C1orf21: variants seen among roughly 807,000 people sequenced by gnomAD.
C1orf21 encodes the protein chromosome 1 open reading frame 21.
C1orf21 carries 3 observed loss-of-function variants against 18.7 expected under a neutral mutation model. The observed-to-expected ratio is 0.16, with a 90% confidence interval of 0.07 to 0.42. The LOEUF (loss-of-function observed/expected upper bound fraction) is 0.42, where lower values mean the gene tolerates loss of function less well. Ranked by LOEUF, C1orf21 falls within the 10% of genes least tolerant of loss-of-function variation. C1orf21 has a pLI of 0.99. For missense variants in C1orf21, 104 were observed against 143.6 expected, an observed-to-expected ratio of 0.72 and a Z score of 1.41; for synonymous variants, 41 against 46.4, an observed-to-expected ratio of 0.88 and a Z score of 0.47.
In C1orf21 at chr1:184,434,802, G is replaced by A. The variant is rs533325761; in HGVS notation, c.-124-42584G>A. ...CTAAGACTTTCATTCCTGGGCAGTC[G>A]TGAGCAAGGAGAATGGAGGGAATTC... On this transcript the variant is annotated intron_variant, in intron 1 of 5. Coordinates refer to ENST00000235307, the MANE Select transcript of C1orf21 (RefSeq NM_030806.4). 4.6e-5 allele frequency among the ~76,000 whole-genome samples: 7 copies of A among 152,328 alleles called. No homozygotes were observed. In the East Asian group the frequency reaches 1.3e-3, roughly 29 times the overall value.
chr1:184,518,501 C>A (rs939540275), intron 3 of C1orf21, among the ~76,000 whole-genome samples: 1 of 152,154 alleles, frequency 6.6e-6, no homozygotes, highest in Non-Finnish European at 1.5e-5. Flanking sequence ...TCATATCACA[C>A]TTCAATCTCC....
At chr1:184,526,595 A>C (rs1658380741) in intron 3 of C1orf21, among the ~76,000 whole-genome samples, 3 of 152,156 alleles carry the variant, frequency 2.0e-5, no homozygotes, top group African/African-American at 7.2e-5. Context: ...ATTGTTTGAC[A>C]ACTTTATGGC....
intron 1 of C1orf21, among the ~76,000 whole-genome samples, chr1:184,397,324 C>T (rs1047557496): frequency 1.1e-4 from 16 of 152,286 alleles, no homozygotes; most frequent in African/African-American, 2.6e-4. Flanking sequence ...CAGTGGCTCA[C>T]GCCTGTAATC....
intron 1 of C1orf21, among the ~76,000 whole-genome samples, chr1:184,466,202 CA>C (rs145739653): frequency 8.5e-5 from 13 of 152,312 alleles, no homozygotes; most frequent in Non-Finnish European, 1.9e-4. Context: ...AATAGTGTTT[CA>C]GCTGAAGAAG....
At chr1:184,576,956 G>C (rs1225844813) in intron 3 of C1orf21, among the ~76,000 whole-genome samples, 1 of 152,164 alleles carries the variant, frequency 6.6e-6, no homozygotes, top group African/African-American at 2.4e-5. Context: ...AGCCAGTGCT[G>C]TAAATGGGTT....
intron 1 of C1orf21, chr1:184,408,252 T>A (rs1268409472): frequency 6.6e-6 from 1 of 152,242 alleles, no homozygotes; most frequent in Non-Finnish European, 1.5e-5. Flanking sequence ...GGTAAAACAT[T>A]AAAATTGCTC....
intron 1 of C1orf21, among the ~76,000 whole-genome samples, chr1:184,393,600 TTAG>T (rs1656006049): frequency 1.3e-5 from 2 of 152,358 alleles, no homozygotes; most frequent in South Asian, 4.1e-4. Context: ...AAGCCATTTA[TTAG>T]TAGGTGAGTA....
intron 3 of C1orf21, among the ~76,000 whole-genome samples, chr1:184,534,662 A>C (rs890404144): frequency 6.6e-6 from 1 of 152,140 alleles, no homozygotes; most frequent in African/African-American, 2.4e-5. Context: ...TCTGTGTGCC[A>C]AGAACCGTCC....
At chr1:184,471,202 C>T (rs1449094164) in intron 1 of C1orf21, among the ~76,000 whole-genome samples, 2 of 152,086 alleles carry the variant, frequency 1.3e-5, no homozygotes, top group Non-Finnish European at 2.9e-5. Context: ...ATAAGAAATA[C>T]TGTTAAAATT....
chr1:184,566,898 A>G (rs1250225104), intron 3 of C1orf21: 5 of 505,922 alleles, frequency 9.9e-6, no homozygotes, highest in African/African-American at 2.0e-5. Flanking sequence ...GAGGGGCTGT[A>G]TTGTCTTCTC....
chr1:184,484,318 A>G (rs1386951952), intron 2 of C1orf21, among the ~76,000 whole-genome samples: 1 of 152,114 alleles, frequency 6.6e-6, no homozygotes. Context: ...CCTCCAGTAC[A>G]TGGTGACCTC....
At chr1:184,549,304 A>G (rs369721636) in intron 3 of C1orf21, among the ~76,000 whole-genome samples, 1 of 152,198 alleles carries the variant, frequency 6.6e-6, no homozygotes, top group East Asian at 1.9e-4. Context: ...TGGTTACATT[A>G]AAAAGTGTGA....
At position 184,496,499 on chromosome 1, in the gene C1orf21, C is replaced by T. The variant is rs980000759; in HGVS notation, c.95-11089C>T. ...GGAGCGGTGGAGAGTCACATTCACC[C>T]ACTGGCTTGATCAGGTGAAAAGATC... On this transcript the variant is annotated intron_variant, in intron 2 of 5. Coordinates refer to ENST00000235307, the MANE Select transcript of C1orf21 (RefSeq NM_030806.4). Among the ~76,000 whole-genome samples, 7 of 152,212 alleles carry T rather than the reference C, an allele frequency of 4.6e-5. No homozygotes were observed. The East Asian group carries it at 1.3e-3, about 29-fold the overall frequency.
At position 184,521,774 on chromosome 1, in the gene C1orf21, A is replaced by T. The variant is rs567416123; in HGVS notation, c.189+14092A>T. Reference sequence around the variant, plus strand: ...TAAATTAAAAACACAAACAAAAATGAAAGCCTGGGGATCTCGGTATAGAAT... The same window carrying T: ...TAAATTAAAAACACAAACAAAAATGTAAGCCTGGGGATCTCGGTATAGAAT... On this transcript the variant is annotated intron_variant, in intron 3 of 5. Coordinates refer to ENST00000235307, the MANE Select transcript of C1orf21 (RefSeq NM_030806.4). Among the ~76,000 whole-genome samples, 36 of 152,306 alleles carry T rather than the reference A, an allele frequency of 2.4e-4. No individual in the cohort carries two copies. The East Asian group carries it at 6.6e-3, about 28-fold the overall frequency.
chr1:184,566,851 C>T (rs184074291), intron 3 of C1orf21: 14 of 489,324 alleles, frequency 2.9e-5, no homozygotes, highest in Admixed American at 2.4e-4. Context: ...TCCAAATGCT[C>T]GATGGAGTCA....
chr1:184,504,654 A>G (rs527405723), intron 2 of C1orf21, among the ~76,000 whole-genome samples: 6 of 152,302 alleles, frequency 3.9e-5, no homozygotes, highest in African/African-American at 9.6e-5. Flanking sequence ...GTGACAGACC[A>G]TTTTTAAATA....
At chr1:184,577,424 T>C (rs1339629777) in intron 3 of C1orf21, among the ~76,000 whole-genome samples, 1 of 152,116 alleles carries the variant, frequency 6.6e-6, no homozygotes, top group African/African-American at 2.4e-5. Flanking sequence ...TGTCACGTCA[T>C]AAATCTGTGT....
At chr1:184,526,280 T>TA (rs1450622417) in intron 3 of C1orf21, among the ~76,000 whole-genome samples, 4 of 152,316 alleles carry the variant, frequency 2.6e-5, no homozygotes, top group Admixed American at 6.5e-5. Context: ...AGGTCACTGT[T>TA]AAAAACACCA....
intron 1 of C1orf21, among the ~76,000 whole-genome samples, chr1:184,447,066 A>G (rs1571361922): frequency 1.3e-5 from 2 of 152,104 alleles, no homozygotes; most frequent in African/African-American, 4.8e-5. Flanking sequence ...ACTGCCCATT[A>G]CTTCACAAAC....
Sources: allele counts gnomAD v4.1 joint callset (sites outside exome capture counted in the v4.1 genomes callset), GRCh38; gene constraint gnomAD v4.1.1; transcripts MANE v1.5; gene names NCBI Gene and HGNC (gene_info 2026-07-23, HGNC 2026-07-21).